The following LRFN1 variants were observed in gnomAD, a reference collection of about 807,000 sequenced individuals.
LRFN1 encodes leucine rich repeat and fibronectin type III domain containing 1, also known as leucine-rich repeat and fibronectin type III domain-containing protein 1.
LRFN1 carries 20 observed loss-of-function variants against 31.8 expected under a neutral mutation model. The ratio of observed to expected loss-of-function variants is 0.63; its 90% CI spans 0.44 to 0.91. LRFN1 has a LOEUF of 0.91. Among genes scored for constraint, LRFN1 ranks in the 40% least tolerant of loss-of-function variants. The pLI is 0.00. For missense variants in LRFN1, 912 were observed against 1,129.8 expected (o/e 0.81, Z 2.76); for synonymous variants, 514 against 541.3 (o/e 0.95, Z 0.70).
rs1282656157 is a variant in LRFN1 at position 39,308,216 on chromosome 19, C to T, written c.1733G>A (p.Arg578Gln). The T allele has an allele frequency of 6.2e-7, 1 of 1,609,606 alleles. No homozygotes were observed. Among genetic ancestry groups the T allele is most frequent in the Non-Finnish European group, 8.5e-7 (1 of 1,177,674 alleles). Residue 578 changes from arginine to glutamine, a missense_variant, in exon 5 of 5, where the codon CGG becomes CAG. Arg to Gln is a conservative substitution (Grantham distance 43, BLOSUM62 1). Coordinates refer to ENST00000248668, the MANE Select transcript of LRFN1 (RefSeq NM_020862.2). This position sits in a 1 kb window ranked among gnomAD's most constrained non-coding sequence, Gnocchi z 6.2. ...RRVKGSRSLPRVSHVCSQTNG... is the reference protein window; with the variant it reads ...RRVKGSRSLPQVSHVCSQTNG... ...GGTCTGCGAGCACACGTGGCTGACC[C>T]GCGGGAGCGACCTGGAGCCCTTGAC...
chr19:39,307,852 C>T lies in LRFN1; in HGVS notation c.2097G>A (p.Arg699=). ...LVPGGAAARP[R]PQQRYSFDGD... ...CGTCGAACGAATAGCGCTGCTGCGG[C>T]CTCGGCCGGGCCGCGGCTCCCCCAG... Residue 699 remains arginine, a synonymous_variant, in exon 5 of 5, where the codon AGG becomes AGA. Coordinates refer to ENST00000248668, the MANE Select transcript of LRFN1 (RefSeq NM_020862.2). The surrounding 1 kb of genome is among the most constrained non-coding windows in gnomAD (Gnocchi z 6.7). 6.6e-7 allele frequency: 1 copy of T among 1,520,008 alleles called. No individual in the cohort carries two copies. Among genetic ancestry groups the T allele is most frequent in the East Asian group, 2.4e-5 (1 of 41,468 alleles). 94.2% of individuals were successfully genotyped at this position (1,520,008 alleles called of 1,614,324 possible).
At chr19:39,309,498 A>AAAAAAAAC (rs2075143559) in intron 4 of LRFN1, among the ~76,000 whole-genome samples, 1 of 146,412 alleles carries the variant, frequency 6.8e-6, no homozygotes, top group African/African-American at 2.5e-5. Flanking sequence ...AAAAAAAAAA[A>AAAAAAAAC]AAAAAAAAAC....
In LRFN1 at chr19:39,316,080, A is replaced by C. The variant is rs2075171349; in HGVS notation, c.-38+2T>G. 6.6e-6 allele frequency: 1 copy of C among 152,194 alleles called. No individual in the cohort carries two copies. The highest frequency in any genetic ancestry group is 1.5e-5 in the Non-Finnish European group (1 of 68,032). 9.4% of individuals were successfully genotyped at this position (152,194 alleles called of 1,614,324 possible). ...GCTCCAAATCCCAGCTCTGATACTT[A>C]CTAGCTGTGTGACCTCCAGCAAGTA... is the stretch of plus-strand genomic sequence containing the variant. On this transcript the variant is annotated splice_donor_variant, in intron 3 of 4. Coordinates refer to ENST00000248668, the MANE Select transcript of LRFN1 (RefSeq NM_020862.2). LOFTEE classifies it low-confidence loss of function (5UTR_SPLICE).
In LRFN1 at chr19:39,308,578, C is replaced by G. The variant is rs376773508; in HGVS notation, c.1407-36G>C. On this transcript the variant is annotated intron_variant, in intron 4 of 4. Transcript: ENST00000248668. The surrounding 1 kb of genome is among the most constrained non-coding windows in gnomAD (Gnocchi z 6.2). ...GGGCGGGTTCAGGGCGGGGTTAGTC[C>G]CCCCGAACCACGCCCCTTCGCTTTA... 2.0e-6 allele frequency: 3 copies of G among 1,531,120 alleles called. No homozygotes were observed. The highest frequency in any genetic ancestry group is 1.8e-6 in the Non-Finnish European group (2 of 1,142,756). 94.8% of individuals were successfully genotyped at this position (1,531,120 alleles called of 1,614,324 possible).
chr19:39,311,292 T>C (rs996839689), intron 4 of LRFN1, among the ~76,000 whole-genome samples: 3 of 152,100 alleles, frequency 2.0e-5, no homozygotes, highest in Non-Finnish European at 4.4e-5. Flanking sequence ...GAACTGGAAC[T>C]GGGGCCCTAC....
At chr19:39,309,453 ACT>A (rs1250670101) in intron 4 of LRFN1, among the ~76,000 whole-genome samples, 16 of 136,142 alleles carry the variant, frequency 1.2e-4, no homozygotes, top group African/African-American at 3.0e-4. Flanking sequence ...CAAGACCGAG[ACT>A]CTGTCTCAAA....
In LRFN1 at chr19:39,308,801, G is replaced by C. The variant is rs765556872; in HGVS notation, c.1407-259C>G. 2.0e-5 allele frequency among the ~76,000 whole-genome samples: 3 copies of C among 152,056 alleles called. No homozygotes were observed. The highest frequency in any genetic ancestry group is 6.5e-5 in the Admixed American group (1 of 15,276). Reference sequence around the variant, plus strand: ...CACTGGGACAATATATCTATCATTCGTATTACCTCCTCTGCATATCCCGGC... The same window carrying C: ...CACTGGGACAATATATCTATCATTCCTATTACCTCCTCTGCATATCCCGGC... On this transcript the variant is annotated intron_variant, in intron 4 of 4. Transcript: ENST00000248668. The surrounding 1 kb of genome is among the most constrained non-coding windows in gnomAD (Gnocchi z 6.2).
At chr19:39,313,390 G>A (rs2075157618) in intron 4 of LRFN1, among the ~76,000 whole-genome samples, 1 of 152,182 alleles carries the variant, frequency 6.6e-6, no homozygotes, top group Non-Finnish European at 1.5e-5. Flanking sequence ...ACTTAGCTGG[G>A]TGTGTTGGTG....
intron 4 of LRFN1, among the ~76,000 whole-genome samples, chr19:39,310,050 C>T (rs1380259046): frequency 3.3e-5 from 5 of 152,168 alleles, no homozygotes; most frequent in South Asian, 4.1e-4. Flanking sequence ...CTCTGCCTTC[C>T]GGGTTCAAGT....
At position 39,308,351 on chromosome 19, in the gene LRFN1, C is replaced by T; in HGVS notation, c.1598G>A (p.Gly533Asp). Residue 533 changes from glycine (G) to aspartate (D), a missense_variant, in exon 5 of 5, where the codon GGC (glycine) becomes GAC (aspartate). Gly to Asp is a moderately conservative substitution (Grantham distance 94). This residue lies in a region of LRFN1 where 511 missense variants were observed against 557.0 expected (regional missense o/e 0.92). Transcript: ENST00000248668. This position sits in a 1 kb window ranked among gnomAD's most constrained non-coding sequence, Gnocchi z 6.2. ...PCRPLRAHFL[G>D]GTMIIAIGGV... Reference sequence around the variant, plus strand: ...CCCGATGGCGATGATCATGGTGCCGCCCAAGAAATGGGCCCTCAGCGGGCG... The same window carrying T: ...CCCGATGGCGATGATCATGGTGCCGTCCAAGAAATGGGCCCTCAGCGGGCG... 6.2e-7 allele frequency: 1 copy of T among 1,612,796 alleles called. No homozygotes were observed. The highest frequency in any genetic ancestry group is 8.5e-7 in the Non-Finnish European group (1 of 1,179,548).
At chr19:39,312,545 G>A (rs1328077614) in intron 4 of LRFN1, among the ~76,000 whole-genome samples, 1 of 152,128 alleles carries the variant, frequency 6.6e-6, no homozygotes, top group East Asian at 1.9e-4. Context: ...GCTCACACCT[G>A]TAATCCCAGC....
chr19:39,320,526 CCAGA>C (rs977591416), intron 1 of LRFN1, among the ~76,000 whole-genome samples: 1 of 151,998 alleles, frequency 6.6e-6, no homozygotes, highest in Admixed American at 6.5e-5. Flanking sequence ...GCGACAGCGC[CCAGA>C]CACACAGCCG....
chr19:39,317,692 G>C (rs1469741014), intron 2 of LRFN1, among the ~76,000 whole-genome samples: 1 of 152,086 alleles, frequency 6.6e-6, no homozygotes, highest in Admixed American at 6.6e-5. Flanking sequence ...GTGCTCATCT[G>C]TCAAATGGGA....
Position 39,315,419 on chromosome 19 carries a change from A to G in LRFN1, c.-37-46T>C. The G allele has an allele frequency of 7.9e-7, 1 of 1,265,944 alleles. No individual in the cohort carries two copies. Among genetic ancestry groups the G allele is most frequent in the Non-Finnish European group, 1.1e-6 (1 of 946,716 alleles). The allele number at this position is 1,265,944 out of a possible 1,614,324, so 78.4% of individuals were successfully genotyped here. The stretch of plus-strand genomic sequence containing the variant: ...TACCCAGGCGTGGGACTTGGCCGCC[A>G]TGGGATGTCCTGCTACGAGTCAGGC... On this transcript the variant is annotated intron_variant, in intron 3 of 4. Coordinates refer to ENST00000248668, the MANE Select transcript of LRFN1 (RefSeq NM_020862.2). The surrounding 1 kb of genome is among the most constrained non-coding windows in gnomAD (Gnocchi z 4.7).
In LRFN1 at chr19:39,307,533, C is replaced by T. The variant is rs1454638530; in HGVS notation, c.*100G>A. The T allele has an allele frequency of 2.4e-6, 3 of 1,267,408 alleles. No individual in the cohort carries two copies. The highest frequency in any genetic ancestry group is 3.0e-6 in the Non-Finnish European group (3 of 989,458). 78.5% of individuals were successfully genotyped at this position (1,267,408 alleles called of 1,614,324 possible). On this transcript the variant is annotated 3_prime_UTR_variant, in exon 5 of 5. Coordinates refer to ENST00000248668, the MANE Select transcript of LRFN1 (RefSeq NM_020862.2). This position sits in a 1 kb window ranked among gnomAD's most constrained non-coding sequence, Gnocchi z 6.7. ...ACAAGGGCGCGTCTCCACTCTGGTC[C>T]AATGTCTTGGCGCTGCGCTTTCTCC...
intron 2 of LRFN1, among the ~76,000 whole-genome samples, chr19:39,317,083 C>G (rs1003972985): frequency 5.3e-5 from 8 of 151,392 alleles, no homozygotes; most frequent in Admixed American, 1.3e-4. Context: ...GAGAGAGAGA[C>G]AGATTGGGAG....
Position 39,314,294 on chromosome 19 carries a change from C to T in LRFN1, c.1043G>A (p.Arg348Gln), listed in dbSNP as rs1438100407. ...ATCCAGCGTCCCGTCCCCCCGGACC[C>T]GGGTCCGGCTGGAGTTCCCCAGCAG... ...GRLLGNSSRT[R>Q]VRGDGTLDVT... Residue 348 changes from arginine to glutamine, a missense_variant, in exon 4 of 5, where the codon CGG (arginine) becomes CAG (glutamine). This residue lies in a region of LRFN1 where 401 missense variants were observed against 572.7 expected (regional missense o/e 0.70). Coordinates refer to ENST00000248668, the MANE Select transcript of LRFN1 (RefSeq NM_020862.2). 2 of 1,609,358 alleles carry T rather than the reference C, an allele frequency of 1.2e-6. No individual in the cohort carries two copies. The highest frequency in any genetic ancestry group is 8.5e-7 in the Non-Finnish European group (1 of 1,178,150).
chr19:39,318,013 C>G (rs997399025), intron 2 of LRFN1, among the ~76,000 whole-genome samples: 1 of 152,238 alleles, frequency 6.6e-6, no homozygotes, highest in Admixed American at 6.5e-5. Context: ...GTATCCTTTA[C>G]TGATATCATG....
In LRFN1 at chr19:39,315,143, C is replaced by T. The variant is rs1304841337; in HGVS notation, c.194G>A (p.Arg65Gln). 1 of 1,590,978 alleles carries T rather than the reference C, an allele frequency of 6.3e-7. No individual in the cohort carries two copies. The highest frequency in any genetic ancestry group is 8.5e-7 in the Non-Finnish European group (1 of 1,175,680). The change falls in exon 4 of 5, where the codon CGG becomes CAG. Residue 65 changes from arginine (R) to glutamine (Q), a missense_variant. Arg to Gln is a conservative substitution (Grantham distance 43). This residue lies in a region of LRFN1 where 401 missense variants were observed against 572.7 expected (regional missense o/e 0.70). Transcript: ENST00000248668. This position sits in a 1 kb window ranked among gnomAD's most constrained non-coding sequence, Gnocchi z 4.7. ...GLLFVPPAID[R>Q]RVVELRLTDN... The stretch of plus-strand genomic sequence containing the variant: ...GGTGAGCCGCAGCTCCACCACGCGC[C>T]GGTCGATGGCGGGCGGCACAAAGAG...
Sources: allele counts gnomAD v4.1 joint callset (sites outside exome capture counted in the v4.1 genomes callset), GRCh38; gene constraint gnomAD v4.1.1; regional missense constraint gnomAD v4.1.1; non-coding constraint Gnocchi (gnomAD v3.1); transcripts MANE v1.5; gene names NCBI Gene and HGNC (gene_info 2026-07-23, HGNC 2026-07-21).